LCORL: variants seen among roughly 807,000 people sequenced by gnomAD.
The protein encoded by LCORL is ligand dependent nuclear receptor corepressor like.
LCORL carries 41 observed loss-of-function variants against 141.8 expected under a neutral mutation model. That is an observed-to-expected ratio of 0.29 (90% CI 0.23 to 0.38). The LOEUF (loss-of-function observed/expected upper bound fraction) is 0.38. Ranked by LOEUF, LCORL falls within the 10% of genes least tolerant of loss-of-function variation. The pLI is 1.00. For synonymous variants in LCORL, 618 were observed against 694.1 expected (o/e 0.89, Z 1.72); for missense variants, 1,759 against 2,035.0 (o/e 0.86, Z 2.61).
At chr4:17,928,192 A>T (rs1735462884) in intron 4 of LCORL, among the ~76,000 whole-genome samples, 1 of 152,194 alleles carries the variant, frequency 6.6e-6, no homozygotes, top group African/African-American at 2.4e-5. Context: ...GGATCACTTG[A>T]GCCCAGGAGT....
At chr4:17,854,813 A>C (rs2109112160) in intron 7 of LCORL, among the ~76,000 whole-genome samples, 1 of 152,340 alleles carries the variant, frequency 6.6e-6, no homozygotes, top group Non-Finnish European at 1.5e-5. Context: ...GCTTGTGATT[A>C]CTGTATTTGG....
At chr4:17,851,923 A>G (rs772032648) in intron 7 of LCORL, among the ~76,000 whole-genome samples, 3 of 152,190 alleles carry the variant, frequency 2.0e-5, no homozygotes, top group Non-Finnish European at 4.4e-5. Context: ...AATAAGGTTA[A>G]GCATATTTTA....
chr4:17,911,401 CAT>C (rs1201321469), intron 4 of LCORL, among the ~76,000 whole-genome samples: 5 of 152,286 alleles, frequency 3.3e-5, no homozygotes, highest in South Asian at 2.1e-4. Context: ...CTTGTTATAA[CAT>C]GTGTAAACGG....
intron 4 of LCORL, among the ~76,000 whole-genome samples, chr4:17,950,149 A>G (rs1739489843): frequency 6.6e-6 from 1 of 152,160 alleles, no homozygotes; most frequent in African/African-American, 2.4e-5. Flanking sequence ...GAAAAACTCA[A>G]GAGCCCTTAA....
exon 8 of LCORL, chr4:17,844,293 A>C (rs1483180629): frequency 6.6e-6 from 1 of 152,322 alleles, no homozygotes; most frequent in Non-Finnish European, 1.5e-5. Flanking sequence ...ACTATATGAA[A>C]TTGGTCCTCT....
chr4:17,977,090 G>A (rs1717123224), intron 1 of LCORL, among the ~76,000 whole-genome samples: 1 of 152,042 alleles, frequency 6.6e-6, no homozygotes, highest in African/African-American at 2.4e-5. Context: ...TCTCTTTTGT[G>A]GGGGCTGGTC....
At chr4:18,014,576 T>C (rs866459272) in intron 1 of LCORL, among the ~76,000 whole-genome samples, 2 of 151,992 alleles carry the variant, frequency 1.3e-5, no homozygotes, top group South Asian at 2.1e-4. Flanking sequence ...AAGACGCAAA[T>C]GTAGCAAGCA....
chr4:17,907,689 A>T (rs1731860925), intron 5 of LCORL, among the ~76,000 whole-genome samples: 2 of 152,068 alleles, frequency 1.3e-5, no homozygotes, highest in Admixed American at 1.3e-4. Context: ...CAGATATCAT[A>T]AAAATAACAC....
At chr4:17,955,772 A>C (rs1176406304) in intron 4 of LCORL, among the ~76,000 whole-genome samples, 1 of 152,138 alleles carries the variant, frequency 6.6e-6, no homozygotes, top group Non-Finnish European at 1.5e-5. Flanking sequence ...TAAGATTCTG[A>C]GTGTTAAATA....
intron 4 of LCORL, among the ~76,000 whole-genome samples, chr4:17,929,866 G>A (rs1413923485): frequency 6.6e-6 from 1 of 152,100 alleles, no homozygotes; most frequent in Non-Finnish European, 1.5e-5. Context: ...TGTCTTATAA[G>A]GGTCCAATAT....
chr4:17,903,816 A>C (rs1267747913), intron 5 of LCORL, among the ~76,000 whole-genome samples: 2 of 152,086 alleles, frequency 1.3e-5, no homozygotes, highest in Admixed American at 1.3e-4. Flanking sequence ...ACTTATGAAG[A>C]ACAATTAAGG....
intron 5 of LCORL, among the ~76,000 whole-genome samples, chr4:17,897,225 T>C (rs893481782): frequency 0.038 from 4,149 of 108,078 alleles, 336 homozygotes; most frequent in African/African-American, 0.13. Context: ...TTTTTTTTTT[T>C]TTTTTTTTTT....
chr4:17,969,930 T>G (rs904357972), intron 2 of LCORL, among the ~76,000 whole-genome samples: 4 of 152,200 alleles, frequency 2.6e-5, no homozygotes, highest in African/African-American at 9.6e-5. Context: ...AGTCGTGTTG[T>G]GTATGGCTAT....
intron 6 of LCORL, among the ~76,000 whole-genome samples, chr4:17,885,114 T>C (rs955963705): frequency 1.3e-5 from 2 of 151,802 alleles, no homozygotes; most frequent in African/African-American, 4.8e-5. Context: ...AGTACCCAAA[T>C]CCTAAAGGAG....
At chr4:17,862,795 A>T (rs1427017900) in intron 7 of LCORL, among the ~76,000 whole-genome samples, 1 of 152,218 alleles carries the variant, frequency 6.6e-6, no homozygotes, top group African/African-American at 2.4e-5. Flanking sequence ...ATGAAATACC[A>T]TTCTAGACAC....
intron 4 of LCORL, among the ~76,000 whole-genome samples, chr4:17,960,799 T>C (rs1713621821): frequency 6.6e-6 from 1 of 152,086 alleles, no homozygotes; most frequent in African/African-American, 2.4e-5. Context: ...GAAAAAAGAT[T>C]TGATTTTTAA....
At chr4:18,016,424 ATAAAT>A (rs1305271827) in intron 1 of LCORL, among the ~76,000 whole-genome samples, 1 of 152,174 alleles carries the variant, frequency 6.6e-6, no homozygotes, top group Non-Finnish European at 1.5e-5. Context: ...TTGAGGAAAA[ATAAAT>A]TAAGCTATAG....
intron 1 of LCORL, among the ~76,000 whole-genome samples, chr4:17,976,832 T>C (rs998038863): frequency 4.6e-5 from 7 of 152,158 alleles, no homozygotes; most frequent in African/African-American, 1.7e-4. Context: ...ACAATCTTTC[T>C]TTCCTCTGTT....
chr4:17,890,730 A>G (rs1164863258), intron 5 of LCORL, among the ~76,000 whole-genome samples: 1 of 152,160 alleles, frequency 6.6e-6, no homozygotes, highest in Non-Finnish European at 1.5e-5. Context: ...AATTGTCTAT[A>G]TAACACTACC....
Sources: gnomAD v4.1 joint callset for allele counts (sites outside exome capture counted in the v4.1 genomes callset) on GRCh38, gnomAD v4.1.1 for gene constraint, MANE v1.5 for transcripts, NCBI Gene and HGNC (gene_info 2026-07-23, HGNC 2026-07-21) for gene names.